The following ZBED1 variants were observed in gnomAD, a reference collection of about 807,000 sequenced individuals.
The protein encoded by ZBED1 is zinc finger BED-type containing 1, also known as E3 SUMO-protein ligase ZBED1.
A neutral mutation model predicts 49.7 loss-of-function variants in ZBED1; 19 were observed. That is an observed-to-expected ratio of 0.38 (90% CI 0.27 to 0.56). The LOEUF is 0.56. ZBED1 is among the 20% of genes least tolerant of loss of function. ZBED1 has a pLI of 0.70. For synonymous variants in ZBED1, 439 were observed against 440.3 expected (o/e 1.00, Z 0.04); for missense variants, 806 against 972.6 (o/e 0.83, Z 2.28).
Position 2,490,442 on chromosome X carries a change from G to A in ZBED1, c.278C>T (p.Ala93Val). The change falls in exon 2 of 2, where the codon GCC (alanine) becomes GTC (valine). Residue 93 changes from alanine to valine, a missense_variant. This residue lies in a region of ZBED1 where 749 missense variants were observed against 861.3 expected (regional missense o/e 0.87). Transcript: ENST00000652001. The part of the protein sequence containing the change: ...TEQMREAFAT[A>V]FSKLKPESSQ... Reference sequence around the variant, plus strand: ...CGACTCGGGCTTCAGCTTGGAGAAGGCGGTGGCGAAGGCTTCACGCATCTG... The same window carrying A: ...CGACTCGGGCTTCAGCTTGGAGAAGACGGTGGCGAAGGCTTCACGCATCTG... 6.2e-7 allele frequency: 1 copy of A among 1,613,982 alleles called. No homozygotes were observed. Among genetic ancestry groups the A allele is most frequent in the Non-Finnish European group, 8.5e-7 (1 of 1,179,870 alleles).
chrX:2,489,235 A>C lies in ZBED1; in HGVS notation c.1485T>G (p.Asn495Lys). ...LSAFERQQVE[N>K]RVVEEAKGLL... ...GGCCCTTGGCCTCTTCCACCACGCG[A>C]TTCTCCACCTGCTGCCGCTCGAAGG... is the stretch of plus-strand genomic sequence containing the variant. Residue 495 changes from asparagine (N) to lysine (K), a missense_variant, in exon 2 of 2, where the codon AAT becomes AAG. Asn to Lys is a moderately conservative substitution (Grantham distance 94). Around this residue, in one of 2 missense-constraint regions of ZBED1, gnomAD observed 749 missense variants for 861.3 expected, o/e 0.87. Coordinates refer to ENST00000652001, the MANE Select transcript of ZBED1 (RefSeq NM_001171136.2). The C allele has an allele frequency of 6.2e-7, 1 of 1,613,638 alleles. No homozygotes were observed. Among genetic ancestry groups the C allele is most frequent in the Non-Finnish European group, 8.5e-7 (1 of 1,179,798 alleles).
In ZBED1 at chrX:2,489,259, G is replaced by A. The variant is rs201733705; in HGVS notation, c.1461C>T (p.Ala487=). The part of the protein sequence containing the change: ...PRYKRLPFLS[A]FERQQVENRV... ...GATTCTCCACCTGCTGCCGCTCGAA[G>A]GCGGAGAGGAAGGGCAGCCTCTTGT... is the stretch of plus-strand genomic sequence containing the variant. The change falls in exon 2 of 2, where the codon GCC becomes GCT. Residue 487 remains alanine, a synonymous_variant. Coordinates refer to ENST00000652001, the MANE Select transcript of ZBED1 (RefSeq NM_001171136.2). The A allele has an allele frequency of 1.6e-4, 254 of 1,613,978 alleles. No homozygotes were observed. The East Asian group carries it at 3.5e-3, about 22-fold the overall frequency.
rs1477820741 is a variant in ZBED1 at position 2,490,606 on chromosome X, G to A, written c.114C>T (p.Cys38=). The change falls in exon 2 of 2, where the codon TGC becomes TGT. Residue 38 remains cysteine, a synonymous_variant. Transcript: ENST00000652001. ...YFGFDTNAEG[C]ILQWKKIYCR... ...AGTAGATTTTCTTCCACTGCAGGAT[G>A]CATCCCTCGGCGTTGGTGTCGAAGC... 9.3e-6 allele frequency: 15 copies of A among 1,613,968 alleles called. No homozygotes were observed. The highest frequency in any genetic ancestry group is 2.7e-5 in the African/African-American group (2 of 75,038).
intron 1 of ZBED1, among the ~76,000 whole-genome samples, chrX:2,495,692 C>T (rs2045266859): frequency 6.6e-6 from 1 of 152,088 alleles, no homozygotes; most frequent in Non-Finnish European, 1.5e-5. Flanking sequence ...TCCGAGCACA[C>T]AAGGCCACGA....
At position 2,500,592 on chromosome X, in the gene ZBED1, G is replaced by A. The variant is rs1255895739; in HGVS notation, c.-54+225C>T. On this transcript the variant is annotated intron_variant, in intron 1 of 1. Transcript: ENST00000652001. ...GGTCGGGCCGGGTCGGGCCGGGCCAGGCGCGCAGAAGAGCCGGCGGGGACG... is the reference window on the plus strand; with the variant it reads ...GGTCGGGCCGGGTCGGGCCGGGCCAAGCGCGCAGAAGAGCCGGCGGGGACG... 9 of 196,240 alleles carry A rather than the reference G, an allele frequency of 4.6e-5. No individual in the cohort carries two copies. The East Asian group carries it at 1.1e-3, about 24-fold the overall frequency. 12.2% of individuals were successfully genotyped at this position (196,240 alleles called of 1,614,324 possible).
At chrX:2,491,768 G>A (rs149626473) in intron 1 of ZBED1, among the ~76,000 whole-genome samples, 2,134 of 152,340 alleles carry the variant, frequency 0.014, 49 homozygotes, top group East Asian at 0.086. Flanking sequence ...ATTGTGTCCA[G>A]TCACACCTGT....
rs1432198689 is a variant in ZBED1 at position 2,486,851 on chromosome X, G to A, written c.*1784C>T. On this transcript the variant is annotated 3_prime_UTR_variant, in exon 2 of 2. Coordinates refer to ENST00000652001, the MANE Select transcript of ZBED1 (RefSeq NM_001171136.2). ...CCACAGACTTAAACCGGCTCAGGAC[G>A]TAAGGATAACATTCTGTGCTGCTTG... 6.6e-6 allele frequency: 1 copy of A among 152,234 alleles called. No homozygotes were observed. Among genetic ancestry groups the A allele is most frequent in the African/African-American group, 2.4e-5 (1 of 41,462 alleles). The allele number at this position is 152,234 out of a possible 1,614,324, so 9.4% of individuals were successfully genotyped here.
At position 2,500,870 on chromosome X, in the gene ZBED1, G is replaced by A; in HGVS notation, c.-107C>T. On this transcript the variant is annotated 5_prime_UTR_variant, in exon 1 of 2. Coordinates refer to ENST00000652001, the MANE Select transcript of ZBED1 (RefSeq NM_001171136.2). ...CCGCAGCAGCTGCGCCAGGATCACC[G>A]CGGCGCCTACCGCGTAGACCCGCAG... The A allele has an allele frequency of 1.7e-6, 2 of 1,155,928 alleles. No individual in the cohort carries two copies. Among genetic ancestry groups the A allele is most frequent in the South Asian group, 2.9e-5 (1 of 34,678 alleles). The allele number at this position is 1,155,928 out of a possible 1,614,324, so 71.6% of individuals were successfully genotyped here. A position where few individuals can be genotyped will look rare whatever the true frequency, so the allele number is the denominator to read the frequency against.
chrX:2,493,366 T>G (rs760650330), intron 1 of ZBED1, among the ~76,000 whole-genome samples: 1 of 152,190 alleles, frequency 6.6e-6, no homozygotes, highest in South Asian at 2.1e-4. Flanking sequence ...TTTTGGTAAT[T>G]GGGAGGAAAA....
chrX:2,490,269 C>T lies in ZBED1; in HGVS notation c.451G>A (p.Val151Met). ...CGGGGGTCGGCCGTCTTCAGCAGCACCTTGAAGGTGGGCTCGTCCACGATG... is the reference window on the plus strand; with the variant it reads ...CGGGGGTCGGCCGTCTTCAGCAGCATCTTGAAGGTGGGCTCGTCCACGATG... The part of the protein sequence containing the change: ...ASIVDEPTFK[V>M]LLKTADPRYE... The change falls in exon 2 of 2, where the codon GTG (valine) becomes ATG (methionine). Residue 151 changes from valine (V) to methionine (M), a missense_variant. By Grantham distance (21) the Val-to-Met change is conservative. Coordinates refer to ENST00000652001, the MANE Select transcript of ZBED1 (RefSeq NM_001171136.2). 2 of 1,613,888 alleles carry T rather than the reference C, an allele frequency of 1.2e-6. No homozygotes were observed. The highest frequency in any genetic ancestry group is 1.7e-6 in the Non-Finnish European group (2 of 1,179,874).
At chrX:2,500,503 G>T (rs777918609) in intron 1 of ZBED1, 1 of 156,448 alleles carries the variant, frequency 6.4e-6, no homozygotes, top group Non-Finnish European at 1.4e-5. Flanking sequence ...GCGGCTGCAC[G>T]GGGGCTGCTT....
Position 2,488,362 on chromosome X carries a change from A to G in ZBED1, c.*273T>C, listed in dbSNP as rs7061377. The G allele has an allele frequency of 0.033, 13,844 of 424,096 alleles. 1,605 individuals are homozygous for G. The highest frequency in any genetic ancestry group is 0.25 in the African/African-American group (12,205 of 48,804). 26.3% of individuals were successfully genotyped at this position (424,096 alleles called of 1,614,324 possible). Reference sequence around the variant, plus strand: ...GCTAATTTTTGTATTTTTAGTAGAGACGGGGTTTCGCCATGTTGGCCAGGC... The same window carrying G: ...GCTAATTTTTGTATTTTTAGTAGAGGCGGGGTTTCGCCATGTTGGCCAGGC... On this transcript the variant is annotated 3_prime_UTR_variant, in exon 2 of 2. Transcript: ENST00000652001.
At position 2,489,508 on chromosome X, in the gene ZBED1, G is replaced by GA. The variant is rs760326631; in HGVS notation, c.1211dup (p.Lys405GlnfsTer113). On this transcript the variant is annotated frameshift_variant, in exon 2 of 2. Transcript: ENST00000652001. LOFTEE classifies it high-confidence loss of function. ...CCGACAGCATCTCGGCCACCTGCTT[G>GA]AAGGGCTGCAGGAGCTCCACCAGCC... The GA allele has an allele frequency of 6.2e-7, 1 of 1,613,318 alleles. No individual in the cohort carries two copies. The highest frequency in any genetic ancestry group is 1.1e-5 in the South Asian group (1 of 91,038).
At chrX:2,492,323 A>G (rs1438989796) in intron 1 of ZBED1, among the ~76,000 whole-genome samples, 1 of 152,124 alleles carries the variant, frequency 6.6e-6, no homozygotes, top group East Asian at 1.9e-4. Context: ...ACAGGAGAAG[A>G]CCACATGGAG....
chrX:2,489,121 C>G lies in ZBED1; in HGVS notation c.1599G>C (p.Met533Ile). 2.5e-6 allele frequency: 4 copies of G among 1,613,670 alleles called. No individual in the cohort carries two copies. Among genetic ancestry groups the G allele is most frequent in the Non-Finnish European group, 3.4e-6 (4 of 1,179,850 alleles). The change falls in exon 2 of 2, where the codon ATG becomes ATC. Residue 533 changes from methionine to isoleucine, a missense_variant. Transcript: ENST00000652001. The part of the protein sequence containing the change: ...VPEEPPVKKL[M>I]RTSTPPPASV... ...TGGCGGGCGGCGGCGTGGATGTCCG[C>G]ATGAGCTTCTTGACGGGAGGCTCCT...
Position 2,488,511 on chromosome X carries a change from T to TTCTA in ZBED1, c.*120_*123dup. The TTCTA allele has an allele frequency of 1.0e-5, 13 of 1,265,394 alleles. No individual in the cohort carries two copies. Among genetic ancestry groups the TTCTA allele is most frequent in the Middle Eastern group, 2.8e-4 (1 of 3,518 alleles). 78.4% of individuals were successfully genotyped at this position (1,265,394 alleles called of 1,614,324 possible). A position where few individuals can be genotyped will look rare whatever the true frequency, so the allele number is the denominator to read the frequency against. ...CTCAAATCTCTTTCCTTTTTCCACC[T>TTCTA]TCTAGGTGTCAAAGACAGTGGATGG... On this transcript the variant is annotated 3_prime_UTR_variant, in exon 2 of 2. Coordinates refer to ENST00000652001, the MANE Select transcript of ZBED1 (RefSeq NM_001171136.2).
intron 1 of ZBED1, among the ~76,000 whole-genome samples, chrX:2,500,103 G>A (rs1476467013): frequency 6.6e-6 from 1 of 152,178 alleles, no homozygotes; most frequent in Non-Finnish European, 1.5e-5. Flanking sequence ...ACACAGTGGC[G>A]GTCATCACTG....
At position 2,489,710 on chromosome X, in the gene ZBED1, T is replaced by C. The variant is rs779635685; in HGVS notation, c.1010A>G (p.Lys337Arg). The C allele has an allele frequency of 3.7e-6, 6 of 1,613,010 alleles. No homozygotes were observed. Among genetic ancestry groups the C allele is most frequent in the Non-Finnish European group, 5.1e-6 (6 of 1,179,850 alleles). ...CATGCAGTGGGCCACGTTCTGCTGC[T>C]TCTGCTTCTCATAGAGCATGTACAT... ...VAMYMLYEKQKQQNVAHCMLV... is the reference protein window; with the variant it reads ...VAMYMLYEKQRQQNVAHCMLV... The change falls in exon 2 of 2, where the codon AAG (lysine) becomes AGG (arginine). Residue 337 changes from lysine to arginine, a missense_variant. Lys to Arg is a conservative substitution (Grantham distance 26, BLOSUM62 2). This residue lies in a region of ZBED1 where 749 missense variants were observed against 861.3 expected (regional missense o/e 0.87). Coordinates refer to ENST00000652001, the MANE Select transcript of ZBED1 (RefSeq NM_001171136.2).
intron 1 of ZBED1, among the ~76,000 whole-genome samples, chrX:2,493,572 G>A (rs1309289573): frequency 6.6e-6 from 1 of 151,886 alleles, no homozygotes; most frequent in Non-Finnish European, 1.5e-5. Context: ...AGATTAGGCT[G>A]GAAGAGGTCC....
Sources: gnomAD v4.1 joint callset for allele counts (sites outside exome capture counted in the v4.1 genomes callset) on GRCh38, gnomAD v4.1.1 for gene constraint, gnomAD v4.1.1 regional missense constraint, MANE v1.5 for transcripts, NCBI Gene and HGNC (gene_info 2026-07-23, HGNC 2026-07-21) for gene names.